The following DOP1B variants were observed in gnomAD, a reference collection of about 807,000 sequenced individuals.
The protein encoded by DOP1B is DOP1 leucine zipper like protein B.
DOP1B carries 174 observed loss-of-function variants against 233.5 expected under a neutral mutation model. That is an observed-to-expected ratio of 0.75 (90% CI 0.66 to 0.85). The LOEUF (loss-of-function observed/expected upper bound fraction) is 0.85. Among genes scored for constraint, DOP1B ranks in the 40% least tolerant of loss-of-function variants. The pLI is 0.00. For missense variants in DOP1B, 2,652 were observed against 2,846.6 expected (o/e 0.93, Z 1.56); for synonymous variants, 1,190 against 1,185.6 (o/e 1.00, Z -0.08).
At chr21:36,250,293 G>C (rs569747415) in intron 21 of DOP1B, among the ~76,000 whole-genome samples, 1 of 152,184 alleles carries the variant, frequency 6.6e-6, no homozygotes, top group African/African-American at 2.4e-5. Flanking sequence ...CCGTCTCTTC[G>C]ACAGACATTT....
intron 4 of DOP1B, among the ~76,000 whole-genome samples, chr21:36,207,698 C>T (rs1187005041): frequency 6.6e-6 from 1 of 152,134 alleles, no homozygotes; most frequent in African/African-American, 2.4e-5. Flanking sequence ...TGTGAACCAA[C>T]ACATTCCACC....
chr21:36,199,871 A>G lies in DOP1B; in HGVS notation c.321-460A>G, dbSNP rs577646089. 5.3e-5 allele frequency among the ~76,000 whole-genome samples: 8 copies of G among 152,218 alleles called. No individual in the cohort carries two copies. The South Asian group carries it at 1.2e-3, about 24-fold the overall frequency. On this transcript the variant is annotated intron_variant, in intron 3 of 36. Transcript: ENST00000691173. ...TTTGGGTTGGTTCCAAGTCTTTGCTATTGTGACTAGTGTTGCAATAAATAT... is the reference window on the plus strand; with the variant it reads ...TTTGGGTTGGTTCCAAGTCTTTGCTGTTGTGACTAGTGTTGCAATAAATAT...
In DOP1B at chr21:36,283,023, GT is replaced by G. The variant is rs760141990; in HGVS notation, c.6160+1427del. ...GCCAACATCGTACGTGATTGTCAGG[GT>G]TTTTTTTTTTTTTTCCTTCTCATAA... On this transcript the variant is annotated intron_variant, in intron 32 of 36. Coordinates refer to ENST00000691173, the MANE Select transcript of DOP1B (RefSeq NM_001320714.2). Among the ~76,000 whole-genome samples the G allele has an allele frequency of 4.5e-3, 623 of 138,212 alleles. 3 individuals carry two copies. The highest frequency in any genetic ancestry group is 9.8e-3 in the African/African-American group (374 of 37,990). The allele number at this position is 138,212 out of a possible 152,430, so 90.7% of individuals were successfully genotyped here. A position where few individuals can be genotyped will look rare whatever the true frequency, so the allele number is the denominator to read the frequency against.
chr21:36,164,513 C>T lies in DOP1B; in HGVS notation c.-26-195C>T, dbSNP rs547527583. 3.6e-5 allele frequency: 12 copies of T among 332,788 alleles called. No individual in the cohort carries two copies. In the East Asian group the frequency reaches 4.2e-4, roughly 12 times the overall value. The allele number at this position is 332,788 out of a possible 1,614,324, so 20.6% of individuals were successfully genotyped here. Reference sequence around the variant, plus strand: ...GTTTCCTGTTCTCCCCCAGAATCCACGAGGGCGGGAACTATTTATCTTTCA... The same window carrying T: ...GTTTCCTGTTCTCCCCCAGAATCCATGAGGGCGGGAACTATTTATCTTTCA... On this transcript the variant is annotated intron_variant, in intron 1 of 36. Transcript: ENST00000691173.
chr21:36,173,419 T>C (rs2065990974), intron 2 of DOP1B, among the ~76,000 whole-genome samples: 1 of 118,418 alleles, frequency 8.4e-6, no homozygotes, highest in African/African-American at 3.1e-5. Context: ...TAGAGAATAG[T>C]TTATCTTTTT....
rs1221582117 is a variant in DOP1B, at chr21:36,200,487, C to G, written c.477C>G (p.Ser159=). Residue 159 remains serine (S), a synonymous_variant, in exon 4 of 37, where the codon TCC becomes TCG. Transcript: ENST00000691173. ...VGLLPGLEEG[S]EISDRTDALL... Reference sequence around the variant, plus strand: ...TGCTGCCCGGCCTTGAAGAGGGCTCCGAGATCTCCGACAGGTGCGTGGGCG... The same window carrying G: ...TGCTGCCCGGCCTTGAAGAGGGCTCGGAGATCTCCGACAGGTGCGTGGGCG... 1.2e-6 allele frequency: 2 copies of G among 1,608,352 alleles called. No homozygotes were observed. Among genetic ancestry groups the G allele is most frequent in the Non-Finnish European group, 8.5e-7 (1 of 1,178,332 alleles).
intron 1 of DOP1B, 161 bp from the exon 2 acceptor site, chr21:36,164,547 A>C: frequency 2.3e-6 from 1 of 430,174 alleles, no homozygotes; most frequent in Non-Finnish European, 4.0e-6. Context: ...CATCTCCCAC[A>C]GTGCCTGGCC....
intron 4 of DOP1B, among the ~76,000 whole-genome samples, chr21:36,205,536 G>A (rs1448474100): frequency 2.0e-5 from 3 of 151,844 alleles, no homozygotes; most frequent in Non-Finnish European, 4.4e-5. Flanking sequence ...TTACAGGTGC[G>A]AACCACCATG....
chr21:36,253,882 G>A lies in DOP1B; in HGVS notation c.5232G>A (p.Arg1744=), dbSNP rs1194721724. The change falls in exon 23 of 37, where the codon AGG becomes AGA. Residue 1744 remains arginine, a synonymous_variant. Transcript: ENST00000691173. ...ACCTGGTGAAGGAGGTGGTGAAGAG[G>A]CCACCCCAAGTCAAAGGGGGTGATG... ...LLHLVKEVVK[R]PPQVKGGDEK... 1.9e-6 allele frequency: 3 copies of A among 1,613,964 alleles called. No individual in the cohort carries two copies. The highest frequency in any genetic ancestry group is 2.5e-6 in the Non-Finnish European group (3 of 1,179,974).
intron 26 of DOP1B, among the ~76,000 whole-genome samples, chr21:36,267,836 A>T (rs1242590547): frequency 6.6e-6 from 1 of 152,046 alleles, no homozygotes; most frequent in African/African-American, 2.4e-5. Flanking sequence ...GCCTCAAACC[A>T]GCAAGTTTTT....
rs754791666 is a variant in DOP1B at position 36,238,650 on chromosome 21, C to T, written c.2825C>T (p.Thr942Ile). Residue 942 changes from threonine to isoleucine, a missense_variant, in exon 17 of 37, where the codon ACA (threonine) becomes ATA (isoleucine). Physicochemically the swap from Thr to Ile is moderately conservative, Grantham distance 89 (BLOSUM62 -1). Around this residue, in one of 3 missense-constraint regions of DOP1B, gnomAD observed 2,617 missense variants for 2,794.3 expected, o/e 0.94. Transcript: ENST00000691173. Reference protein sequence around the residue: ...LFRFSVIWHLTREIQGSRVTS... With the variant: ...LFRFSVIWHLIREIQGSRVTS... ...AGATTTTCCGTGATCTGGCATCTGA[C>T]AAGAGAGATCCAAGGCAGTCGAGTA... 2 of 1,614,234 alleles carry T rather than the reference C, an allele frequency of 1.2e-6. No individual in the cohort carries two copies. The highest frequency in any genetic ancestry group is 8.5e-7 in the Non-Finnish European group (1 of 1,180,044).
At chr21:36,284,773 G>A (rs1291655129) in intron 32 of DOP1B, among the ~76,000 whole-genome samples, 2 of 151,694 alleles carry the variant, frequency 1.3e-5, no homozygotes, top group Admixed American at 6.6e-5. Flanking sequence ...CTGAGAGGGA[G>A]CAAGCACAGG....
At chr21:36,173,258 TGGA>T (rs1041239442) in intron 2 of DOP1B, among the ~76,000 whole-genome samples, 31 of 152,304 alleles carry the variant, frequency 2.0e-4, no homozygotes, top group Admixed American at 5.9e-4. Context: ...AACTTAGATT[TGGA>T]GGAGAAGACT....
intron 24 of DOP1B, among the ~76,000 whole-genome samples, chr21:36,262,409 T>G (rs1057256358): frequency 1.3e-5 from 2 of 152,188 alleles, no homozygotes; most frequent in African/African-American, 4.8e-5. Context: ...AGTCTGAGCT[T>G]TCACTGCCTG....
intron 3 of DOP1B, 79 bp from the exon 4 acceptor site, chr21:36,200,251 TC>T: frequency 2.0e-6 from 3 of 1,483,568 alleles, no homozygotes; most frequent in Non-Finnish European, 2.7e-6. Flanking sequence ...TTGTGAAAAC[TC>T]CCCTCGGCTG....
chr21:36,263,864 G>A (rs759485884), intron 26 of DOP1B, 50 bp downstream of exon 26: 31 of 1,554,348 alleles, frequency 2.0e-5, no homozygotes, highest in Non-Finnish European at 2.7e-5. Flanking sequence ...CAGCAGTGCT[G>A]TCCTCCTTTG....
intron 2 of DOP1B, among the ~76,000 whole-genome samples, chr21:36,179,608 C>T (rs779897692): frequency 5.9e-5 from 9 of 152,036 alleles, no homozygotes; most frequent in South Asian, 2.1e-4. Flanking sequence ...AGTCATGGAA[C>T]GACAATATAA....
chr21:36,250,584 C>T (rs546408064), intron 21 of DOP1B, among the ~76,000 whole-genome samples: 3 of 152,134 alleles, frequency 2.0e-5, no homozygotes, highest in African/African-American at 4.8e-5. Context: ...GAGCGAGAAA[C>T]GTGGCGGGAA....
chr21:36,241,869 A>G (rs1193635207), intron 18 of DOP1B, among the ~76,000 whole-genome samples: 2 of 151,324 alleles, frequency 1.3e-5, no homozygotes, highest in Non-Finnish European at 2.9e-5. Context: ...AGAGAAAAGC[A>G]ACCCATTAGC....
Sources: gnomAD v4.1 joint callset for allele counts (sites outside exome capture counted in the v4.1 genomes callset) on GRCh38, gnomAD v4.1.1 for gene constraint, gnomAD v4.1.1 regional missense constraint, MANE v1.5 for transcripts, NCBI Gene and HGNC (gene_info 2026-07-23, HGNC 2026-07-21) for gene names.